The following DMD variants were observed in gnomAD, a reference collection of about 807,000 sequenced individuals.
DMD encodes the protein mutant dystrophin.
DMD carries 63 observed loss-of-function variants against 330.1 expected under a neutral mutation model. The ratio of observed to expected loss-of-function variants is 0.19; its 90% CI spans 0.16 to 0.24. DMD has a LOEUF of 0.24. DMD is among the 10% of genes least tolerant of loss of function. The probability of loss-of-function intolerance (pLI) is 1.00; values close to 1 mark genes in which losing one functional copy is unlikely to be tolerated. For missense variants in DMD, 3,344 were observed against 2,684.1 expected, an observed-to-expected ratio of 1.25 and a Z score of -5.43; for synonymous variants, 1,223 against 959.8, an observed-to-expected ratio of 1.27 and a Z score of -5.07.
intron 52 of DMD, among the ~76,000 whole-genome samples, chrX:31,689,096 A>G (rs1170251382): frequency 3.6e-5 from 4 of 111,824 alleles, no homozygotes; most frequent in East Asian, 5.6e-4. Flanking sequence ...CCTATTCAAC[A>G]TAGTGTTGGA....
At chrX:33,302,832 C>T (rs781007309) in intron 1 of DMD, among the ~76,000 whole-genome samples, 1 of 111,341 alleles carries the variant, frequency 9.0e-6, no homozygotes, top group Admixed American at 9.6e-5. Context: ...GTTGTGCATT[C>T]TATGGATTTG....
At chrX:32,656,567 ATG>A (rs2060587268) in intron 9 of DMD, among the ~76,000 whole-genome samples, 1 of 112,216 alleles carries the variant, frequency 8.9e-6, no homozygotes, top group Non-Finnish European at 1.9e-5. Context: ...AAAAGCTTAT[ATG>A]TGAGTTTAAA....
At chrX:31,252,246 A>G (rs548354321) in intron 63 of DMD, among the ~76,000 whole-genome samples, 31 of 112,378 alleles carry the variant, frequency 2.8e-4, no homozygotes, top group African/African-American at 9.0e-4. Context: ...AGCCTTAATA[A>G]CAAATTTGAG....
At chrX:32,332,505 G>A (rs1299399419) in intron 41 of DMD, among the ~76,000 whole-genome samples, 3 of 108,576 alleles carry the variant, frequency 2.8e-5, no homozygotes, top group Non-Finnish European at 5.7e-5. Flanking sequence ...AAGAAGTTAA[G>A]GCAGAAACGA....
At chrX:32,782,095 C>T (rs1008163710) in intron 7 of DMD, among the ~76,000 whole-genome samples, 2 of 111,447 alleles carry the variant, frequency 1.8e-5, no homozygotes, top group African/African-American at 6.5e-5. Context: ...ATTTTGAATA[C>T]AATCTAATGA....
chrX:31,520,726 C>T (rs997177244), intron 55 of DMD, among the ~76,000 whole-genome samples: 5 of 110,850 alleles, frequency 4.5e-5, no homozygotes, highest in African/African-American at 1.3e-4. Context: ...GTTGCCCAGG[C>T]TGGAGTGCAG....
At chrX:31,458,840 T>G (rs891941273) in intron 59 of DMD, among the ~76,000 whole-genome samples, 3 of 110,714 alleles carry the variant, frequency 2.7e-5, no homozygotes, top group African/African-American at 9.8e-5. Flanking sequence ...CTAGGCAGTT[T>G]TATAGGAGAA....
intron 1 of DMD, among the ~76,000 whole-genome samples, chrX:33,079,008 C>T (rs1459483401): frequency 9.1e-6 from 1 of 110,091 alleles, no homozygotes; most frequent in South Asian, 3.9e-4. Flanking sequence ...TTAAGACCAC[C>T]TGTTACATTT....
chrX:32,402,798 T>C (rs139730776), intron 30 of DMD, among the ~76,000 whole-genome samples: 230 of 111,950 alleles, frequency 2.1e-3, no homozygotes, highest in African/African-American at 7.2e-3. Context: ...GTCTTTATGA[T>C]ACTATTAAGT....
chrX:33,275,691 T>C (rs1271218700), intron 1 of DMD, among the ~76,000 whole-genome samples: 1 of 111,588 alleles, frequency 9.0e-6, no homozygotes, highest in African/African-American at 3.3e-5. Flanking sequence ...CTCAGATTAG[T>C]AAGACTTGGA....
intron 50 of DMD, among the ~76,000 whole-genome samples, chrX:31,816,091 G>A (rs1393093881): frequency 8.9e-6 from 1 of 112,304 alleles, no homozygotes; most frequent in African/African-American, 3.2e-5. Flanking sequence ...TAATCACAGA[G>A]CAAACTTCAG....
chrX:32,605,848 G>A (rs1091268), intron 12 of DMD, among the ~76,000 whole-genome samples: 2 of 108,451 alleles, frequency 1.8e-5, no homozygotes, highest in African/African-American at 6.7e-5. Context: ...AAGGAGATAT[G>A]ATCTCACACC....
intron 44 of DMD, among the ~76,000 whole-genome samples, chrX:31,979,378 A>C (rs1260716994): frequency 1.8e-5 from 2 of 111,969 alleles, no homozygotes; most frequent in Admixed American, 1.9e-4. Flanking sequence ...TTTTGATTGA[A>C]AATTTATGAT....
intron 41 of DMD, among the ~76,000 whole-genome samples, chrX:32,341,731 T>C (rs73462079): frequency 8.9e-6 from 1 of 111,800 alleles, no homozygotes; most frequent in African/African-American, 3.2e-5. Flanking sequence ...AAAATCAGCA[T>C]GGGATGATCT....
At chrX:32,428,594 T>C (rs1036559711) in intron 29 of DMD, among the ~76,000 whole-genome samples, 1 of 111,785 alleles carries the variant, frequency 8.9e-6, no homozygotes, top group Admixed American at 9.5e-5. Flanking sequence ...GTTTTAAAGG[T>C]ATTTTCCCAG....
chrX:32,897,414 G>A (rs2085823565), intron 2 of DMD, among the ~76,000 whole-genome samples: 1 of 111,524 alleles, frequency 9.0e-6, no homozygotes, highest in African/African-American at 3.2e-5. Flanking sequence ...ATAAAGCACA[G>A]GTAGAGAAAA....
At chrX:31,835,272 C>T (rs1395074167) in intron 49 of DMD, among the ~76,000 whole-genome samples, 8 of 111,805 alleles carry the variant, frequency 7.2e-5, no homozygotes, top group African/African-American at 2.6e-4. Flanking sequence ...AGTCATACAC[C>T]ATAAGGCATA....
intron 43 of DMD, among the ~76,000 whole-genome samples, chrX:32,238,700 T>A (rs1467120898): frequency 8.9e-6 from 1 of 112,029 alleles, no homozygotes; most frequent in Non-Finnish European, 1.9e-5. Context: ...AAGTTAATTA[T>A]TCCTAGAAGT....
intron 1 of DMD, among the ~76,000 whole-genome samples, chrX:33,107,879 T>C (rs1020418371): frequency 7.2e-5 from 8 of 111,800 alleles, no homozygotes; most frequent in Non-Finnish European, 1.1e-4. Flanking sequence ...TATCTAGGAA[T>C]ATTTTTCCTT....
Sources: gnomAD v4.1 joint callset for allele counts (sites outside exome capture counted in the v4.1 genomes callset) on GRCh38, gnomAD v4.1.1 for gene constraint, MANE v1.5 for transcripts, NCBI Gene and HGNC (gene_info 2026-07-23, HGNC 2026-07-21) for gene names.